NHS: variants seen among roughly 807,000 people sequenced by gnomAD.
NHS encodes actin remodeling regulator NHS.
Under a neutral mutation model 72.5 loss-of-function variants are expected in NHS, and 5 were observed. The ratio of observed to expected loss-of-function variants is 0.07; its 90% confidence interval spans 0.04 to 0.14. The LOEUF is 0.14. Ranked by LOEUF, NHS falls within the 10% of genes least tolerant of loss-of-function variation. The probability of loss-of-function intolerance (pLI) is 1.00; values close to 1 mark genes in which losing one functional copy is unlikely to be tolerated. For synonymous variants in NHS, 464 were observed against 547.7 expected (o/e 0.85, Z 2.13); for missense variants, 1,072 against 1,355.7 (o/e 0.79, Z 3.29).
At chrX:17,467,496 A>G (rs1463420918) in intron 1 of NHS, among the ~76,000 whole-genome samples, 1 of 112,242 alleles carries the variant, frequency 8.9e-6, no homozygotes, top group Non-Finnish European at 1.9e-5. Flanking sequence ...TTTCATAGTG[A>G]TTAAAATTAG....
intron 1 of NHS, among the ~76,000 whole-genome samples, chrX:17,503,230 T>C (rs1230777375): frequency 8.9e-6 from 1 of 112,476 alleles, no homozygotes; most frequent in African/African-American, 3.2e-5. Flanking sequence ...CCCATTAACA[T>C]TGGCTTTTTG....
chrX:17,568,681 T>TTAC (rs2065459012), intron 1 of NHS, among the ~76,000 whole-genome samples: 1 of 106,645 alleles, frequency 9.4e-6, no homozygotes. Context: ...ATTATTATTA[T>TTAC]TATGCTTTAA....
intron 2 of NHS, among the ~76,000 whole-genome samples, chrX:17,688,763 C>G (rs2066178830): frequency 1.8e-5 from 2 of 111,996 alleles, no homozygotes; most frequent in Admixed American, 1.9e-4. Flanking sequence ...TCTCACAGTC[C>G]TGAGAAAGCT....
At chrX:17,723,138 T>G (rs949078711) in intron 5 of NHS, among the ~76,000 whole-genome samples, 1 of 112,346 alleles carries the variant, frequency 8.9e-6, no homozygotes, top group Non-Finnish European at 1.9e-5. Flanking sequence ...ATATTGTAAT[T>G]ATTCATCATA....
intron 3 of NHS, among the ~76,000 whole-genome samples, chrX:17,715,622 G>A (rs763233362): frequency 1.8e-5 from 2 of 111,670 alleles, no homozygotes; most frequent in East Asian, 5.6e-4. Context: ...TTAAGTTCAG[G>A]GTTACATGTG....
chrX:17,424,000 G>A (rs1168742579), intron 1 of NHS, among the ~76,000 whole-genome samples: 1 of 112,110 alleles, frequency 8.9e-6, no homozygotes, highest in African/African-American at 3.3e-5. Flanking sequence ...TTATCAGTTG[G>A]CATGACCTCT....
intron 1 of NHS, among the ~76,000 whole-genome samples, chrX:17,470,019 G>A (rs749935417): frequency 7.2e-5 from 8 of 111,334 alleles, no homozygotes; most frequent in Non-Finnish European, 1.3e-4. Context: ...TTTCACTTGA[G>A]AAAGGGGCAA....
chrX:17,701,866 TATCAATCACATTGGAACA>T (rs1257670144), intron 3 of NHS, among the ~76,000 whole-genome samples: 7 of 111,551 alleles, frequency 6.3e-5, no homozygotes, highest in Admixed American at 3.8e-4. Context: ...ATACCTAAGG[TATCAATCACATTGGAACA>T]ATCAATCACA....
At chrX:17,632,323 T>C (rs2065825002) in intron 1 of NHS, among the ~76,000 whole-genome samples, 3 of 110,954 alleles carry the variant, frequency 2.7e-5, no homozygotes, top group African/African-American at 9.9e-5. Context: ...TCTATGATCA[T>C]CCCTCTCCTG....
chrX:17,596,184 T>C (rs1280195548), intron 1 of NHS, among the ~76,000 whole-genome samples: 6 of 112,674 alleles, frequency 5.3e-5, no homozygotes, highest in Admixed American at 1.9e-4. Flanking sequence ...AAACTGCCTG[T>C]ATCTTGTCAC....
At chrX:17,507,103 G>A (rs1268797807) in intron 1 of NHS, among the ~76,000 whole-genome samples, 1 of 112,278 alleles carries the variant, frequency 8.9e-6, no homozygotes, top group Admixed American at 9.4e-5. Context: ...AATCCCATTG[G>A]CCAGTCTTAT....
chrX:17,662,760 G>A (rs972022312), intron 1 of NHS, among the ~76,000 whole-genome samples: 1 of 111,948 alleles, frequency 8.9e-6, no homozygotes, highest in African/African-American at 3.3e-5. Flanking sequence ...GAATGAAAAG[G>A]TGATTCATCA....
Position 17,375,991 on chromosome X carries a change from C to G in NHS, c.234C>G (p.Ala78=). ...PPPPPPLPAP[A]DQTQPPHGEA... ...CGCCGCCGCCACTGCCCGCGCCGGC[C>G]GACCAGACTCAGCCGCCGCACGGAG... is the stretch of plus-strand genomic sequence containing the variant. Residue 78 remains alanine, a synonymous_variant, in exon 1 of 9, where the codon GCC becomes GCG. Transcript: ENST00000676302. 9.3e-7 allele frequency: 1 copy of G among 1,077,930 alleles called. No homozygotes were observed. The highest frequency in any genetic ancestry group is 1.2e-6 in the Non-Finnish European group (1 of 833,347). 88.8% of individuals were successfully genotyped at this position (1,077,930 alleles called of 1,213,427 possible).
At chrX:17,376,346 G>GC (rs1408668139) in intron 1 of NHS, 24 bp downstream of exon 1, 12 of 1,124,894 alleles carry the variant, frequency 1.1e-5, no homozygotes, top group Admixed American at 2.6e-5. Context: ...CCGTCCGCCC[G>GC]CCAGGCTATG....
intron 1 of NHS, among the ~76,000 whole-genome samples, chrX:17,408,376 A>G (rs1325340053): frequency 1.8e-5 from 2 of 111,537 alleles, no homozygotes. Context: ...TTCAACTCCC[A>G]GCGTGATGTT....
intron 1 of NHS, among the ~76,000 whole-genome samples, chrX:17,444,697 G>A (rs1046652709): frequency 9.0e-6 from 1 of 111,057 alleles, no homozygotes; most frequent in South Asian, 3.8e-4. Flanking sequence ...GCAACCCTGG[G>A]AATTTACCCA....
rs187014368 is a variant in NHS, at chrX:17,617,266, A to C, written c.566-70476A>C. ...CTGATCTGTGCTTCCTTCTGCAGCC[A>C]AGGTCTACACCAGCATCTCACAGCA... is the stretch of plus-strand genomic sequence containing the variant. On this transcript the variant is annotated intron_variant, in intron 1 of 8. Transcript: ENST00000676302. Among the ~76,000 whole-genome samples the C allele has an allele frequency of 7.2e-5, 8 of 111,527 alleles. No individual in the cohort carries two copies. The East Asian group carries it at 2.3e-3, about 32-fold the overall frequency.
chrX:17,734,094 G>C lies in NHS; in HGVS notation c.*1630G>C, dbSNP rs1172803925. 1 of 112,125 alleles carries C rather than the reference G, an allele frequency of 8.9e-6. No individual in the cohort carries two copies. The highest frequency in any genetic ancestry group is 1.9e-5 in the Non-Finnish European group (1 of 53,201). 9.2% of individuals were successfully genotyped at this position (112,125 alleles called of 1,213,427 possible). A position where few individuals can be genotyped will look rare whatever the true frequency, so the allele number is the denominator to read the frequency against. ...GAATGGGAGAGGTAGAACAGAGAGA[G>C]AATTAAGAAGGGATCTGACTTATAA... On this transcript the variant is annotated 3_prime_UTR_variant, in exon 9 of 9. Coordinates refer to ENST00000676302, the MANE Select transcript of NHS (RefSeq NM_001291867.2).
chrX:17,723,491 C>T (rs2066417700), intron 5 of NHS, among the ~76,000 whole-genome samples: 1 of 111,770 alleles, frequency 8.9e-6, no homozygotes, highest in Non-Finnish European at 1.9e-5. Context: ...TCTGTGTTTA[C>T]AAAAACAAAC....
Sources: allele counts gnomAD v4.1 joint callset (sites outside exome capture counted in the v4.1 genomes callset), GRCh38; gene constraint gnomAD v4.1.1; transcripts MANE v1.5; gene names NCBI Gene and HGNC (gene_info 2026-07-23, HGNC 2026-07-21).